CPSF4L: variants seen among roughly 807,000 people sequenced by gnomAD.
CPSF4L encodes the protein putative cleavage and polyadenylation specificity factor subunit 4-like protein.
Under a neutral mutation model 24.0 loss-of-function variants are expected in CPSF4L, and 18 were observed. The observed-to-expected ratio is 0.75, with a 90% CI of 0.52 to 1.11. CPSF4L has a LOEUF of 1.11. Ranked by LOEUF, CPSF4L falls within the 50% of genes least tolerant of loss-of-function variation. The pLI is 0.00. For missense variants in CPSF4L, 211 were observed against 221.8 expected, an observed-to-expected ratio of 0.95 and a Z score of 0.31; for synonymous variants, 72 against 77.2, an observed-to-expected ratio of 0.93 and a Z score of 0.35.
At chr17:73,250,895 C>G (rs2062002965) in intron 5 of CPSF4L, 20 of 1,167,244 alleles carry the variant, frequency 1.7e-5, no homozygotes, top group Non-Finnish European at 2.2e-5. Flanking sequence ...AGGAGTCATT[C>G]TCCAGCTCCC....
rs59789741 is a variant in CPSF4L at position 73,259,354 on chromosome 17, T to TA, written c.155-1522dup. Among the ~76,000 whole-genome samples the TA allele has an allele frequency of 8.9e-4, 134 of 150,174 alleles. 1 individual carries two copies. The highest frequency in any genetic ancestry group is 3.1e-3 in the African/African-American group (125 of 40,158). ...GGTGTTCTTTCCATTTTTCCTTTTT[T>TA]AAAAAAAAAAAATTATGTTTTGTAG... On this transcript the variant is annotated intron_variant, in intron 2 of 5. Transcript: ENST00000344935.
chr17:73,249,156 G>C (rs4969087), intron 5 of CPSF4L, among the ~76,000 whole-genome samples: 105,745 of 151,920 alleles, frequency 0.7, 38,837 homozygotes, highest in Non-Finnish European at 0.81. Flanking sequence ...GTGATGGTAG[G>C]AACTCATTGA....
At chr17:73,259,900 G>T (rs1015194833) in intron 2 of CPSF4L, among the ~76,000 whole-genome samples, 2 of 152,318 alleles carry the variant, frequency 1.3e-5, no homozygotes, top group Middle Eastern at 3.4e-3. Flanking sequence ...GAGGAAGACA[G>T]GGAAACCCTA....
rs190998398 is a variant in CPSF4L at position 73,255,368 on chromosome 17, A to G, written c.308-1342T>C. Among the ~76,000 whole-genome samples the G allele has an allele frequency of 8.5e-5, 13 of 152,060 alleles. No individual in the cohort carries two copies. The East Asian group carries it at 2.5e-3, about 30-fold the overall frequency. Reference sequence around the variant, plus strand: ...CTAAAAATACAAAAATTAGCCAGGTATGGTGGCACGTGCCTGTAGTCCCAG... The same window carrying G: ...CTAAAAATACAAAAATTAGCCAGGTGTGGTGGCACGTGCCTGTAGTCCCAG... On this transcript the variant is annotated intron_variant, in intron 3 of 5. Transcript: ENST00000344935.
At chr17:73,249,583 G>C (rs1272754582) in intron 5 of CPSF4L, among the ~76,000 whole-genome samples, 1 of 152,122 alleles carries the variant, frequency 6.6e-6, no homozygotes, top group African/African-American at 2.4e-5. Flanking sequence ...TGGGGGGCCA[G>C]TTCTTCCTCA....
downstream of CPSF4L, among the ~76,000 whole-genome samples, chr17:73,243,525 C>T (rs2061889341): frequency 1.3e-5 from 2 of 150,838 alleles, no homozygotes; most frequent in African/African-American, 2.4e-5. Flanking sequence ...ACATAATTGC[C>T]CTTGTCCTCC....
chr17:73,246,883 C>G (rs896210256), downstream of CPSF4L, among the ~76,000 whole-genome samples: 24 of 152,208 alleles, frequency 1.6e-4, no homozygotes, highest in Non-Finnish European at 2.9e-5. Flanking sequence ...TGCCCATTCT[C>G]TGTGAATGCT....
chr17:73,242,338 A>T, the CPSF4L span: 1 of 1,585,920 alleles, frequency 6.3e-7, no homozygotes. Flanking sequence ...GGCTCTTGGG[A>T]GCTGTACAAA....
At chr17:73,258,036 A>C (rs1213631004) in intron 2 of CPSF4L, among the ~76,000 whole-genome samples, 1 of 150,092 alleles carries the variant, frequency 6.7e-6, no homozygotes, top group Non-Finnish European at 1.5e-5. Flanking sequence ...TTGAGACAGA[A>C]TCTCGCTCTG....
In CPSF4L at chr17:73,261,879, G is replaced by T; in HGVS notation, c.-61C>A. ...AACCCAGGCAGGTGGGCCCAATATA[G>T]CTCATCAGAGGCCCTTAAGGGGCCA... On this transcript the variant is annotated 5_prime_UTR_variant, in exon 1 of 6. Transcript: ENST00000344935. 7.9e-7 allele frequency: 1 copy of T among 1,273,706 alleles called. No individual in the cohort carries two copies. The highest frequency in any genetic ancestry group is 1.1e-6 in the Non-Finnish European group (1 of 896,460). The allele number at this position is 1,273,706 out of a possible 1,614,324, so 78.9% of individuals were successfully genotyped here. A position where few individuals can be genotyped will look rare whatever the true frequency, so the allele number is the denominator to read the frequency against.
downstream of CPSF4L, chr17:73,247,252 C>T (rs201280325): frequency 2.9e-4 from 469 of 1,614,068 alleles, no homozygotes; most frequent in Middle Eastern, 6.6e-4. Flanking sequence ...AAAATTGTGC[C>T]GACCCCTGCC....
chr17:73,257,807 G>A lies in CPSF4L; in HGVS notation c.181C>T (p.Arg61Ter), dbSNP rs1214949777. 11 of 1,551,368 alleles carry A rather than the reference G, an allele frequency of 7.1e-6. No individual in the cohort carries two copies. Among genetic ancestry groups the A allele is most frequent in the African/African-American group, 4.1e-5 (3 of 72,958 alleles). Reference protein sequence around the residue: ...KGKLCPFRHDRGEKMVVCKHW... With the variant: ...KGKLCPFRHD ...TTGCATACCACCATCTTCTCCCCTC[G>A]GTCATGTCGGAAGGGGCAGAGTTTC... Residue 61 changes from arginine to a stop codon, truncating the protein, a stop_gained, in exon 3 of 6, where the codon CGA (arginine) becomes TGA (stop). Coordinates refer to ENST00000344935, the MANE Select transcript of CPSF4L (RefSeq NM_001129885.1). LOFTEE classifies it high-confidence loss of function.
Position 73,254,019 on chromosome 17 carries a change from G to T in CPSF4L, c.315C>A (p.Cys105Ter). The T allele has an allele frequency of 2.6e-6, 4 of 1,551,186 alleles. No homozygotes were observed. Among genetic ancestry groups the T allele is most frequent in the South Asian group, 1.2e-5 (1 of 84,044 alleles). The change falls in exon 4 of 6, where the codon TGC becomes TGA. Residue 105 changes from cysteine to a stop codon, truncating the protein, a stop_gained. Coordinates refer to ENST00000344935, the MANE Select transcript of CPSF4L (RefSeq NM_001129885.1). LOFTEE classifies it high-confidence loss of function. The part of the protein sequence containing the change: ...ECYFYSKFGD[C>*]SNKECSFLHV... ...GGAGGAAGGAACACTCCTTGTTGCT[G>T]CAGTCACCTGAAAATCCCAGCACTC...
downstream of CPSF4L, chr17:73,247,519 T>G: frequency 1.7e-6 from 1 of 584,584 alleles, no homozygotes; most frequent in South Asian, 2.1e-5. Context: ...GTAGTATCAC[T>G]TGTCATAATC....
chr17:73,242,242 A>T, the CPSF4L span: 1 of 1,568,568 alleles, frequency 6.4e-7, no homozygotes, highest in Non-Finnish European at 8.7e-7. Context: ...TTGGAACCAT[A>T]GTTTCTTTGT....
chr17:73,243,158 G>T, the CPSF4L span: 1 of 705,338 alleles, frequency 1.4e-6, no homozygotes, highest in East Asian at 2.8e-5. Flanking sequence ...GGGGTTTCTG[G>T]GTTTTATTTT....
intron 3 of CPSF4L, among the ~76,000 whole-genome samples, chr17:73,255,056 T>A (rs1050787909): frequency 2.6e-5 from 4 of 152,236 alleles, no homozygotes; most frequent in African/African-American, 9.6e-5. Context: ...CTCATGAATC[T>A]TTCCAACTTC....
At chr17:73,254,175 C>T (rs2062015781) in intron 3 of CPSF4L, 149 bp from the exon 4 acceptor site, 3 of 650,802 alleles carry the variant, frequency 4.6e-6, no homozygotes, top group East Asian at 5.5e-5. Context: ...GAAAGTATGC[C>T]TAATCCTTGC....
At chr17:73,258,971 A>G (rs2062034449) in intron 2 of CPSF4L, among the ~76,000 whole-genome samples, 1 of 152,246 alleles carries the variant, frequency 6.6e-6, no homozygotes, top group South Asian at 2.1e-4. Context: ...GTTACATTTA[A>G]CTGCTTTATC....
Sources: allele counts gnomAD v4.1 joint callset (sites outside exome capture counted in the v4.1 genomes callset), GRCh38; gene constraint gnomAD v4.1.1; transcripts MANE v1.5; gene names NCBI Gene and HGNC (gene_info 2026-07-23, HGNC 2026-07-21).